GC: variants seen among roughly 807,000 people sequenced by gnomAD.
The protein encoded by GC is GC vitamin D binding protein.
A neutral mutation model predicts 56.7 loss-of-function variants in GC; 43 were observed. The observed-to-expected ratio is 0.76, with a 90% CI of 0.59 to 0.98. GC has a LOEUF of 0.98. Ranked by LOEUF, GC falls within the 50% of genes least tolerant of loss-of-function variation. The pLI is 0.00. For synonymous variants in GC, 216 were observed against 202.7 expected, an observed-to-expected ratio of 1.07 and a Z score of -0.56; for missense variants, 529 against 545.9, an observed-to-expected ratio of 0.97 and a Z score of 0.31.
intron 7 of GC, 81 bp from the exon 8 acceptor site, chr4:71,756,995 C>T: frequency 2.1e-6 from 2 of 933,554 alleles, no homozygotes; most frequent in Non-Finnish European, 3.4e-6. Flanking sequence ...GGCTTACAAG[C>T]TTTGGCATCA....
chr4:71,763,359 A>G (rs1281473834), intron 6 of GC, 49 bp downstream of exon 6: 4 of 917,634 alleles, frequency 4.4e-6, no homozygotes, highest in East Asian at 4.9e-5. Flanking sequence ...TTATGGATAG[A>G]CAGTGCAGAA....
At chr4:71,750,070 T>G (rs2149293870) in intron 11 of GC, among the ~76,000 whole-genome samples, 1 of 152,172 alleles carries the variant, frequency 6.6e-6, no homozygotes, top group East Asian at 1.9e-4. Context: ...CAAATAAAAC[T>G]TTACTAAAAT....
At chr4:71,779,224 C>T (rs1292125975) in intron 1 of GC, among the ~76,000 whole-genome samples, 1 of 151,766 alleles carries the variant, frequency 6.6e-6, no homozygotes, top group Non-Finnish European at 1.5e-5. Context: ...CTTAATTTCA[C>T]AAGGCTTGCA....
rs764262942 is a variant in GC at position 71,765,423 on chromosome 4, G to A, written c.473+9C>T. 6.2e-7 allele frequency: 1 copy of A among 1,601,672 alleles called. No individual in the cohort carries two copies. Among genetic ancestry groups the A allele is most frequent in the Admixed American group, 1.7e-5 (1 of 59,976 alleles). On this transcript the variant is annotated intron_variant, in intron 4 of 12. Coordinates refer to ENST00000273951, the MANE Select transcript of GC (RefSeq NM_000583.4). ...GTCCTAAAGTTCTATTTATGATGAA[G>A]GCACTCACTGATTAGCATATTCCTT...
In GC at chr4:71,756,491, A is replaced by C. The variant is rs222034; in HGVS notation, c.1034+221T>G. On this transcript the variant is annotated intron_variant, in intron 8 of 12. Coordinates refer to ENST00000273951, the MANE Select transcript of GC (RefSeq NM_000583.4). ...ATTAGGAACTCTAAGCTCCTTTCTCACTACCCAAAATCTTTCTATCACACT... is the reference window on the plus strand; with the variant it reads ...ATTAGGAACTCTAAGCTCCTTTCTCCCTACCCAAAATCTTTCTATCACACT... Among the ~76,000 whole-genome samples the C allele has an allele frequency of 1, 152,215 of 152,316 alleles. 76,057 individuals are homozygous for C. Among genetic ancestry groups the C allele is most frequent in the Middle Eastern group, 1 (294 of 294 alleles).
upstream of GC, among the ~76,000 whole-genome samples, chr4:71,787,130 A>G (rs1198086209): frequency 1.3e-5 from 2 of 151,932 alleles, no homozygotes; most frequent in South Asian, 2.1e-4. Flanking sequence ...AAGCATTCTA[A>G]CTAACCTACC....
At chr4:71,760,151 C>T (rs1741917829) in intron 6 of GC, among the ~76,000 whole-genome samples, 1 of 149,878 alleles carries the variant, frequency 6.7e-6, no homozygotes, top group Non-Finnish European at 1.5e-5. Flanking sequence ...TCATGCCATT[C>T]TCCTGCCTCA....
chr4:71,761,092 A>T (rs973488478), intron 6 of GC, among the ~76,000 whole-genome samples: 6 of 152,212 alleles, frequency 3.9e-5, no homozygotes, highest in Admixed American at 3.9e-4. Flanking sequence ...TCAGAAGAAG[A>T]CAGGAAAATG....
chr4:71,796,693 A>G (rs1407730711), intron 1 of GC, among the ~76,000 whole-genome samples: 2 of 152,076 alleles, frequency 1.3e-5, no homozygotes, highest in African/African-American at 4.8e-5. Flanking sequence ...TCTCCATCCA[A>G]CTTTTTTCCG....
chr4:71,798,865 A>T (rs147547139), intron 1 of GC, among the ~76,000 whole-genome samples: 3 of 152,180 alleles, frequency 2.0e-5, no homozygotes, highest in Non-Finnish European at 4.4e-5. Flanking sequence ...TCAATACCTT[A>T]TTAGCCACTT....
Position 71,741,889 on chromosome 4 carries a change from G to T in GC, c.*26-19C>A, listed in dbSNP as rs761004520. 1 of 702,722 alleles carries T rather than the reference G, an allele frequency of 1.4e-6. No homozygotes were observed. 43.5% of individuals were successfully genotyped at this position (702,722 alleles called of 1,614,324 possible). A position where few individuals can be genotyped will look rare whatever the true frequency, so the allele number is the denominator to read the frequency against. On this transcript the variant is annotated intron_variant, in intron 12 of 12. Transcript: ENST00000273951. The stretch of plus-strand genomic sequence containing the variant: ...CTCTGGTCTATGAGAATAATGAAAT[G>T]AATTTTATGTTAGAAAAACAGAGCT...
intron 10 of GC, among the ~76,000 whole-genome samples, chr4:71,753,396 G>A (rs370635358): frequency 1.3e-5 from 2 of 151,350 alleles, no homozygotes; most frequent in African/African-American, 4.9e-5. Flanking sequence ...GGGTAAGGGG[G>A]ACCAGTTAGT....
chr4:71,744,314 C>T (rs1346634901), intron 12 of GC, among the ~76,000 whole-genome samples: 1 of 150,266 alleles, frequency 6.7e-6, no homozygotes, highest in East Asian at 1.9e-4. Context: ...CCCAAATTAG[C>T]TGGGCGTGGT....
chr4:71,769,492 T>G, intron 1 of GC, 92 bp from the exon 2 acceptor site: 4 of 825,878 alleles, frequency 4.8e-6, no homozygotes, highest in Non-Finnish European at 6.0e-6. Context: ...CCACGTGGCC[T>G]ACAATGAAAG....
intron 1 of GC, among the ~76,000 whole-genome samples, chr4:71,798,803 A>G (rs887662371): frequency 6.6e-6 from 1 of 152,138 alleles, no homozygotes; most frequent in Admixed American, 6.5e-5. Context: ...GATGGATGGG[A>G]GTGTCAATGT....
At chr4:71,745,610 G>A (rs1741339453) in intron 12 of GC, among the ~76,000 whole-genome samples, 3 of 152,078 alleles carry the variant, frequency 2.0e-5, no homozygotes, top group Non-Finnish European at 4.4e-5. Context: ...AGTTCGGCGG[G>A]GGTGCTCTTC....
intron 1 of GC, among the ~76,000 whole-genome samples, chr4:71,780,659 G>A (rs577716281): frequency 1.2e-4 from 19 of 152,220 alleles, no homozygotes; most frequent in Admixed American, 4.6e-4. Flanking sequence ...GGTCATCAGA[G>A]GAATGCAAAT....
At chr4:71,759,804 A>C (rs557307124) in intron 6 of GC, among the ~76,000 whole-genome samples, 1 of 152,324 alleles carries the variant, frequency 6.6e-6, no homozygotes, top group African/African-American at 2.4e-5. Context: ...CCCTTATCAG[A>C]TAGCTAAATC....
intron 1 of GC, among the ~76,000 whole-genome samples, chr4:71,800,892 T>G (rs1490880693): frequency 6.6e-6 from 1 of 152,202 alleles, no homozygotes; most frequent in East Asian, 1.9e-4. Context: ...AACTAAATTC[T>G]AGAAGATTGG....
Sources: gnomAD v4.1 joint callset for allele counts (sites outside exome capture counted in the v4.1 genomes callset) on GRCh38, gnomAD v4.1.1 for gene constraint, MANE v1.5 for transcripts, NCBI Gene and HGNC (gene_info 2026-07-23, HGNC 2026-07-21) for gene names.